Variants in EIF4A2 observed in about 807,000 individuals in gnomAD.
EIF4A2 encodes the protein eukaryotic initiation factor 4A-II.
EIF4A2 carries 9 observed loss-of-function variants against 50.6 expected under a neutral mutation model. The ratio of observed to expected loss-of-function variants is 0.18; its 90% confidence interval spans 0.11 to 0.31. The LOEUF (loss-of-function observed/expected upper bound fraction) is 0.31. Ranked by LOEUF, EIF4A2 falls within the 10% of genes least tolerant of loss-of-function variation. The probability of loss-of-function intolerance (pLI) is 1.00; values close to 1 mark genes in which losing one functional copy is unlikely to be tolerated. For synonymous variants in EIF4A2, 215 were observed against 164.4 expected, an observed-to-expected ratio of 1.31 and a Z score of -2.35; for missense variants, 182 against 501.8, an observed-to-expected ratio of 0.36 and a Z score of 6.09.
chr3:186,783,732 T>G (rs1470419472), intron 1 of EIF4A2, 93 bp downstream of exon 1: 5 of 1,590,680 alleles, frequency 3.1e-6, no homozygotes, highest in Non-Finnish European at 3.5e-6. Context: ...AAACTCTAAA[T>G]TAATGGACGT....
intron 7 of EIF4A2, chr3:186,786,887 A>G (rs766628128): frequency 2.3e-6 from 2 of 888,846 alleles, no homozygotes; most frequent in Middle Eastern, 4.7e-4. Flanking sequence ...AATTTTTATA[A>G]TTTCTACGTT....
At chr3:186,787,021 G>A (rs1490571740) in intron 7 of EIF4A2, 106 bp from the exon 8 acceptor site, 2 of 1,444,772 alleles carry the variant, frequency 1.4e-6, no homozygotes, top group Non-Finnish European at 1.9e-6. Flanking sequence ...GGATCCCAAA[G>A]GGCTGGGATT....
chr3:186,789,353 A>G lies in EIF4A2; in HGVS notation c.*84A>G. 2 of 1,505,194 alleles carry G rather than the reference A, an allele frequency of 1.3e-6. No individual in the cohort carries two copies. The highest frequency in any genetic ancestry group is 2.5e-4 in the Middle Eastern group (1 of 3,976). 93.2% of individuals were successfully genotyped at this position (1,505,194 alleles called of 1,614,324 possible). On this transcript the variant is annotated 3_prime_UTR_variant, in exon 11 of 11. Coordinates refer to ENST00000323963, the MANE Select transcript of EIF4A2 (RefSeq NM_001967.4). ...GTGCATTGTGCTTCTTTCTTTGGGA[A>G]TATTTGAATCTTGTCTCAATGCTCA...
intron 10 of EIF4A2, chr3:186,788,265 G>C: frequency 7.8e-7 from 1 of 1,282,940 alleles, no homozygotes; most frequent in South Asian, 1.2e-5. Context: ...AAATTGAATT[G>C]TACTTTGTTA....
intron 1 of EIF4A2, chr3:186,784,087 G>T (rs1309184159): frequency 2.1e-6 from 1 of 470,248 alleles, no homozygotes; most frequent in African/African-American, 1.9e-5. Context: ...GACAGGACCG[G>T]TGCCGGTGAA....
At chr3:186,787,330 A>G (rs1472551225) in intron 8 of EIF4A2, 66 bp downstream of exon 8, 4 of 1,613,552 alleles carry the variant, frequency 2.5e-6, no homozygotes, top group South Asian at 2.2e-5. Context: ...TATAGCTGCT[A>G]AGTGCTGTGT....
At chr3:186,787,321 A>AT (rs754535553) in intron 8 of EIF4A2, 57 bp downstream of exon 8, 7 of 1,613,800 alleles carry the variant, frequency 4.3e-6, no homozygotes, top group Non-Finnish European at 5.9e-6. Flanking sequence ...AGACTACAAT[A>AT]TAGCTGCTAA....
intron 9 of EIF4A2, 63 bp downstream of exon 9, chr3:186,787,647 A>C: frequency 6.2e-7 from 1 of 1,607,942 alleles, no homozygotes; most frequent in Non-Finnish European, 8.5e-7. Flanking sequence ...GCAGGTTTTT[A>C]AGTAACCTTT....
intron 10 of EIF4A2, chr3:186,788,860 G>T: frequency 2.6e-6 from 1 of 386,292 alleles, no homozygotes; most frequent in Non-Finnish European, 4.6e-6. Flanking sequence ...CCCCAAACAC[G>T]ATACTGTCAT....
At position 186,789,879 on chromosome 3, in the gene EIF4A2, A is replaced by G. The variant is rs1722014317; in HGVS notation, c.*610A>G. 1 of 817,992 alleles carries G rather than the reference A, an allele frequency of 1.2e-6. No homozygotes were observed. The highest frequency in any genetic ancestry group is 2.0e-6 in the Non-Finnish European group (1 of 511,214). The allele number at this position is 817,992 out of a possible 1,614,324, so 50.7% of individuals were successfully genotyped here. Reference sequence around the variant, plus strand: ...TTAATGAAGTTTGAATGTTAAATAAATTGTATATTCACTTTAAAGGTGCTT... The same window carrying G: ...TTAATGAAGTTTGAATGTTAAATAAGTTGTATATTCACTTTAAAGGTGCTT... On this transcript the variant is annotated 3_prime_UTR_variant, in exon 11 of 11. Transcript: ENST00000323963.
In EIF4A2 at chr3:186,784,952, C is replaced by A. The variant is rs775441076; in HGVS notation, c.209-10C>A. The stretch of plus-strand genomic sequence containing the variant: ...GTGGGATCGGTAAATGTGTATCCTA[C>A]TTTTTTTAGGGTATGATGTGATTGC... On this transcript the variant is annotated splice_polypyrimidine_tract_variant and intron_variant, in intron 3 of 10. Transcript: ENST00000323963. 1.2e-6 allele frequency: 2 copies of A among 1,614,082 alleles called. No homozygotes were observed. Among genetic ancestry groups the A allele is most frequent in the South Asian group, 2.2e-5 (2 of 91,082 alleles).
chr3:186,789,350 G>A lies in EIF4A2; in HGVS notation c.*81G>A, dbSNP rs1352850477. On this transcript the variant is annotated 3_prime_UTR_variant, in exon 11 of 11. Transcript: ENST00000323963. ...AACGTGCATTGTGCTTCTTTCTTTG[G>A]GAATATTTGAATCTTGTCTCAATGC... 2.1e-5 allele frequency: 31 copies of A among 1,504,074 alleles called. No individual in the cohort carries two copies. Among genetic ancestry groups the A allele is most frequent in the Non-Finnish European group, 2.8e-5 (31 of 1,122,740 alleles). 93.2% of individuals were successfully genotyped at this position (1,504,074 alleles called of 1,614,324 possible). A position where few individuals can be genotyped will look rare whatever the true frequency, so the allele number is the denominator to read the frequency against.
chr3:186,788,727 A>C, intron 10 of EIF4A2: 1 of 234,074 alleles, frequency 4.3e-6, no homozygotes, highest in Admixed American at 5.2e-5. Context: ...TTTACAGTTT[A>C]CAGTTCCAGA....
At chr3:186,786,962 C>A in intron 7 of EIF4A2, 165 bp from the exon 8 acceptor site, 3 of 1,101,798 alleles carry the variant, frequency 2.7e-6, no homozygotes, top group Admixed American at 2.2e-5. Context: ...GAGACAGTTT[C>A]ACTTTCTTGA....
At chr3:186,786,429 C>T (rs1016760481) in intron 6 of EIF4A2, 73 bp from the exon 7 acceptor site, 69 of 1,574,310 alleles carry the variant, frequency 4.4e-5, no homozygotes, top group Admixed American at 1.4e-4. Flanking sequence ...AAGACAGAGA[C>T]GCTTGGCTTC....
chr3:186,784,827 TGAC>T, intron 3 of EIF4A2, 131 bp downstream of exon 3: 1 of 1,597,238 alleles, frequency 6.3e-7, no homozygotes, highest in African/African-American at 1.3e-5. Context: ...CTTTCGGGAC[TGAC>T]CTGAAATGAA....
At chr3:186,784,093 G>T in intron 1 of EIF4A2, 1 of 474,456 alleles carries the variant, frequency 2.1e-6, no homozygotes, top group Non-Finnish European at 3.8e-6. Flanking sequence ...ACCGGTGCCG[G>T]TGAACCGTTG....
In EIF4A2 at chr3:186,784,546, A is replaced by AT. The variant is rs766380521; in HGVS notation, c.76-12dup. 1.3e-5 allele frequency: 21 copies of AT among 1,613,932 alleles called. No homozygotes were observed. Among genetic ancestry groups the AT allele is most frequent in the Non-Finnish European group, 1.7e-5 (20 of 1,179,990 alleles). ...TGTTCATCTCATTTATGCGTGCATTATTTTTTCTAACTTACAGAGCAACTG... is the reference window on the plus strand; with the variant it reads ...TGTTCATCTCATTTATGCGTGCATTATTTTTTTCTAACTTACAGAGCAACTG... On this transcript the variant is annotated splice_polypyrimidine_tract_variant and intron_variant, in intron 2 of 10. Coordinates refer to ENST00000323963, the MANE Select transcript of EIF4A2 (RefSeq NM_001967.4).
chr3:186,789,003 T>TTA (rs1721963484), intron 10 of EIF4A2, 122 bp from the exon 11 acceptor site: 3 of 1,378,552 alleles, frequency 2.2e-6, no homozygotes, highest in South Asian at 3.1e-5. Flanking sequence ...AGTGCTCCAG[T>TTA]TAGAAGCACG....
Sources: gnomAD v4.1 joint callset for allele counts on GRCh38, gnomAD v4.1.1 for gene constraint, MANE v1.5 for transcripts, NCBI Gene and HGNC (gene_info 2026-07-23, HGNC 2026-07-21) for gene names.